The following LARP1B variants were observed in gnomAD, a reference collection of about 807,000 sequenced individuals.
LARP1B encodes the protein La ribonucleoprotein 1B.
LARP1B carries 76 observed loss-of-function variants against 114.2 expected under a neutral mutation model. That is an observed-to-expected ratio of 0.67 (90% CI 0.55 to 0.81). The LOEUF (loss-of-function observed/expected upper bound fraction) is 0.81. LARP1B is among the 30% of genes least tolerant of loss of function. The probability of loss-of-function intolerance (pLI) is 0.00; values close to 1 mark genes in which losing one functional copy is unlikely to be tolerated. For synonymous variants in LARP1B, 345 were observed against 348.0 expected (o/e 0.99, Z 0.10); for missense variants, 1,014 against 1,075.8 (o/e 0.94, Z 0.80).
At chr4:128,150,527 A>G (rs1732314303) in intron 11 of LARP1B, among the ~76,000 whole-genome samples, 3 of 152,066 alleles carry the variant, frequency 2.0e-5, no homozygotes, top group African/African-American at 7.2e-5. Context: ...TCCTGGCCTC[A>G]AGTAATCCTT....
intron 8 of LARP1B, among the ~76,000 whole-genome samples, chr4:128,098,924 C>T (rs182231587): frequency 7.3e-5 from 11 of 149,968 alleles, no homozygotes; most frequent in East Asian, 2.0e-4. Flanking sequence ...ACTACAAGCA[C>T]GCACCATCAT....
At chr4:128,075,042 C>T in intron 3 of LARP1B, 49 bp downstream of exon 3, 1 of 1,132,746 alleles carries the variant, frequency 8.8e-7, no homozygotes, top group African/African-American at 1.6e-5. Flanking sequence ...AAAATGTATT[C>T]ATTTCGACAT....
chr4:128,186,318 TC>T (rs1750337963), intron 15 of LARP1B, among the ~76,000 whole-genome samples: 1 of 152,294 alleles, frequency 6.6e-6, no homozygotes, highest in South Asian at 2.1e-4. Context: ...TCATTCCCTT[TC>T]TTTCGTGTGA....
chr4:128,210,113 T>C lies in LARP1B; in HGVS notation c.*60T>C, dbSNP rs1578811270. The C allele has an allele frequency of 1.0e-5, 16 of 1,606,848 alleles. 1 individual carries two copies. The highest frequency in any genetic ancestry group is 6.7e-5 in the East Asian group (3 of 44,750). Reference sequence around the variant, plus strand: ...GGTGAAATGCCTGAGAAATAGACTCTTATGAAAGTTCTTTGTCCTTGAAGT... The same window carrying C: ...GGTGAAATGCCTGAGAAATAGACTCCTATGAAAGTTCTTTGTCCTTGAAGT... On this transcript the variant is annotated 3_prime_UTR_variant, in exon 20 of 20. Transcript: ENST00000326639.
At chr4:128,123,524 T>C (rs1228168216) in intron 11 of LARP1B, 1 of 461,094 alleles carries the variant, frequency 2.2e-6, no homozygotes, top group East Asian at 1.5e-4. Flanking sequence ...TCTATAATTC[T>C]ATATATTTTA....
At chr4:128,207,534 A>AGTATATGG in intron 19 of LARP1B, 151 bp downstream of exon 19, 2 of 477,552 alleles carry the variant, frequency 4.2e-6, no homozygotes, top group Non-Finnish European at 6.9e-6. Context: ...AATAGTTCAG[A>AGTATATGG]GAATTCCCAT....
rs1351826255 is a variant in LARP1B, at chr4:128,091,115, G to A, written c.473G>A (p.Gly158Glu). The A allele has an allele frequency of 3.1e-6, 5 of 1,613,698 alleles. No individual in the cohort carries two copies. The African/African-American group carries it at 6.7e-5, about 22-fold the overall frequency. ...GGTCGAGGAAGAGGCCGAGGACGGG[G>A]AAGAGGACGAGGCAGAGGAAATCCT... ...FRGRGRGRGR[G>E]RGRGRGNPRL... The change falls in exon 6 of 20, where the codon GGA (glycine) becomes GAA (glutamate). Residue 158 changes from glycine (G) to glutamate (E), a missense_variant. Coordinates refer to ENST00000326639, the MANE Select transcript of LARP1B (RefSeq NM_018078.4).
At chr4:128,212,561 C>T (rs1466321423), downstream of LARP1B, among the ~76,000 whole-genome samples, 3 of 152,020 alleles carry the variant, frequency 2.0e-5, no homozygotes, top group African/African-American at 4.8e-5. Flanking sequence ...ACAGGAGAAT[C>T]GCTTGAACCC....
chr4:128,114,619 A>G lies in LARP1B; in HGVS notation c.1038A>G (p.Lys346=), dbSNP rs1785184304. The G allele has an allele frequency of 1.9e-6, 3 of 1,613,914 alleles. No homozygotes were observed. Among genetic ancestry groups the G allele is most frequent in the Non-Finnish European group, 2.5e-6 (3 of 1,179,870 alleles). The change falls in exon 10 of 20, where the codon AAA becomes AAG. Residue 346 remains lysine (K), a synonymous_variant. Coordinates refer to ENST00000326639, the MANE Select transcript of LARP1B (RefSeq NM_018078.4). The part of the protein sequence containing the change: ...PRIGSPLSPK[K]NSETSILQAM... Reference sequence around the variant, plus strand: ...TTGGAAGCCCATTGAGCCCAAAGAAAAACAGTGAAACAAGTATTCTTCAAG... The same window carrying G: ...TTGGAAGCCCATTGAGCCCAAAGAAGAACAGTGAAACAAGTATTCTTCAAG...
chr4:128,207,494 TTTAAAA>T (rs1757919534), intron 19 of LARP1B, 111 bp downstream of exon 19: 1 of 684,830 alleles, frequency 1.5e-6, no homozygotes. Flanking sequence ...ACTTTTTAGT[TTTAAAA>T]TTAAACTTTG....
intron 11 of LARP1B, among the ~76,000 whole-genome samples, chr4:128,146,040 ATTGT>A (rs1385996622): frequency 6.6e-6 from 1 of 152,162 alleles, no homozygotes; most frequent in Non-Finnish European, 1.5e-5. Flanking sequence ...ATTAAAGTTG[ATTGT>A]TTATGTATCC....
At chr4:128,194,337 G>T (rs1020154347) in intron 15 of LARP1B, among the ~76,000 whole-genome samples, 6 of 151,928 alleles carry the variant, frequency 3.9e-5, no homozygotes, top group Non-Finnish European at 7.4e-5. Context: ...CTCCGAAAAT[G>T]CTGGGATTAC....
At chr4:128,066,399 C>T (rs1479720374) in intron 1 of LARP1B, among the ~76,000 whole-genome samples, 4 of 151,430 alleles carry the variant, frequency 2.6e-5, no homozygotes, top group African/African-American at 4.8e-5. Context: ...AGGATGGTCT[C>T]GATCTGCTGA....
At chr4:128,086,361 A>T (rs1051914990) in intron 5 of LARP1B, among the ~76,000 whole-genome samples, 46 of 150,218 alleles carry the variant, frequency 3.1e-4, no homozygotes, top group Admixed American at 2.7e-4. Flanking sequence ...ACAGGGTCTC[A>T]CTCTGTCTTC....
At chr4:128,170,978 T>C (rs1271534399) in intron 12 of LARP1B, among the ~76,000 whole-genome samples, 1 of 151,768 alleles carries the variant, frequency 6.6e-6, no homozygotes, top group East Asian at 1.9e-4. Flanking sequence ...TTTGGACATA[T>C]ATATCTTTTT....
At chr4:128,150,941 A>G (rs1400800362) in intron 11 of LARP1B, among the ~76,000 whole-genome samples, 2 of 152,184 alleles carry the variant, frequency 1.3e-5, no homozygotes, top group Non-Finnish European at 2.9e-5. Flanking sequence ...TGAGTTGCAG[A>G]GAAATGTAGA....
At chr4:128,157,473 T>G (rs1241847611) in intron 11 of LARP1B, among the ~76,000 whole-genome samples, 1 of 152,082 alleles carries the variant, frequency 6.6e-6, no homozygotes, top group Non-Finnish European at 1.5e-5. Flanking sequence ...CCAAAACTGA[T>G]GAAAGACACC....
At chr4:128,068,805 A>C (rs1764067398) in intron 1 of LARP1B, among the ~76,000 whole-genome samples, 1 of 151,972 alleles carries the variant, frequency 6.6e-6, no homozygotes, top group Non-Finnish European at 1.5e-5. Flanking sequence ...TAACAAGATA[A>C]AGCAAAGACA....
At chr4:128,216,735 C>T (rs1340682399), downstream of LARP1B, among the ~76,000 whole-genome samples, 1 of 151,588 alleles carries the variant, frequency 6.6e-6, no homozygotes, top group South Asian at 2.1e-4. Flanking sequence ...ATTAAAAGAA[C>T]TAGAGAAGCA....
Sources: gnomAD v4.1 joint callset for allele counts (sites outside exome capture counted in the v4.1 genomes callset) on GRCh38, gnomAD v4.1.1 for gene constraint, MANE v1.5 for transcripts, NCBI Gene and HGNC (gene_info 2026-07-23, HGNC 2026-07-21) for gene names.